The following FRG1 variants were observed in gnomAD, a reference collection of about 807,000 sequenced individuals.
FRG1 encodes the protein protein FRG1.
FRG1 carries 19 observed loss-of-function variants against 37.0 expected under a neutral mutation model. That is an observed-to-expected ratio of 0.51 (90% CI 0.36 to 0.75). The LOEUF is 0.75. Among genes scored for constraint, FRG1 ranks in the 30% least tolerant of loss-of-function variants. FRG1 has a pLI of 0.00. For missense variants in FRG1, 243 were observed against 301.4 expected, an observed-to-expected ratio of 0.81 and a Z score of 1.44; for synonymous variants, 73 against 96.5, an observed-to-expected ratio of 0.76 and a Z score of 1.43.
At chr4:189,953,750 A>C (rs749268459) in intron 4 of FRG1, among the ~76,000 whole-genome samples, 2 of 152,112 alleles carry the variant, frequency 1.3e-5, no homozygotes, top group Non-Finnish European at 2.9e-5. Flanking sequence ...GTAAGGTAAA[A>C]GATTAGAAAT....
rs113582021 is a variant in FRG1, at chr4:189,941,049, C to T, written c.40C>T (p.Leu14Phe). The change falls in exon 1 of 9, where the codon CTC becomes TTC. Residue 14 changes from leucine to phenylalanine, a missense_variant. Around this residue, in one of 2 missense-constraint regions of FRG1, gnomAD observed 110 missense variants for 102.2 expected, o/e 1.08. Coordinates refer to ENST00000226798, the MANE Select transcript of FRG1 (RefSeq NM_004477.3). ...CTACGTGAAGTCTACCAAGCTCGTGCTCAAGGGAACCAAGACGAAGAGGTG... is the reference window on the plus strand; with the variant it reads ...CTACGTGAAGTCTACCAAGCTCGTGTTCAAGGGAACCAAGACGAAGAGGTG... Reference protein sequence around the residue: ...YSYVKSTKLVLKGTKTKSKKK... With the variant: ...YSYVKSTKLVFKGTKTKSKKK... 1.5e-5 allele frequency: 25 copies of T among 1,614,026 alleles called. No homozygotes were observed. The African/African-American group carries it at 3.3e-4, about 22-fold the overall frequency.
At position 189,941,004 on chromosome 4, in the gene FRG1, G is replaced by A. The variant is rs199616375; in HGVS notation, c.-6G>A. 1.9e-6 allele frequency: 3 copies of A among 1,613,330 alleles called. No homozygotes were observed. Among genetic ancestry groups the A allele is most frequent in the Admixed American group, 3.3e-5 (2 of 59,986 alleles). ...CAGCCTCTCCGCGCAGAAGTTTCCC[G>A]GAGCCATGGCCGAGTACTCCTACGT... On this transcript the variant is annotated 5_prime_UTR_variant, in exon 1 of 9. Coordinates refer to ENST00000226798, the MANE Select transcript of FRG1 (RefSeq NM_004477.3).
At chr4:189,955,459 T>C (rs531938641) in intron 5 of FRG1, among the ~76,000 whole-genome samples, 1 of 151,942 alleles carries the variant, frequency 6.6e-6, no homozygotes, top group South Asian at 2.1e-4. Flanking sequence ...CTAAGTATCT[T>C]TGTAGCAGAA....
intron 1 of FRG1, chr4:189,941,749 G>A: frequency 3.2e-6 from 1 of 308,998 alleles, no homozygotes. Context: ...CCAAATGTGA[G>A]GAGGAGGTCG....
intron 5 of FRG1, 59 bp from the exon 6 acceptor site, chr4:189,957,339 C>T (rs202170867): frequency 1.3e-6 from 2 of 1,540,136 alleles, no homozygotes; most frequent in African/African-American, 1.4e-5. Flanking sequence ...AGTCTAAACA[C>T]TTAATGTTTC....
chr4:189,944,955 C>G (rs1439118437), intron 2 of FRG1, among the ~76,000 whole-genome samples: 1 of 151,972 alleles, frequency 6.6e-6, no homozygotes, highest in African/African-American at 2.4e-5. Context: ...TAATATTGGG[C>G]CTCAATATTT....
intron 2 of FRG1, among the ~76,000 whole-genome samples, chr4:189,950,528 GTTAC>G (rs1253219024): frequency 1.3e-5 from 2 of 152,036 alleles, no homozygotes; most frequent in Non-Finnish European, 2.9e-5. Flanking sequence ...TCTGTTTTAA[GTTAC>G]TTTTTGTATT....
At chr4:189,941,123 C>G in intron 1 of FRG1, 52 bp downstream of exon 1, 2 of 1,507,488 alleles carry the variant, frequency 1.3e-6, no homozygotes, top group East Asian at 2.3e-5. Flanking sequence ...CGGACGCACT[C>G]CACCCCCGCA....
chr4:189,952,099 CAAAA>C (rs70947949), intron 2 of FRG1, 59 bp from the exon 3 acceptor site: 7 of 1,230,136 alleles, frequency 5.7e-6, no homozygotes, highest in African/African-American at 1.5e-5. Flanking sequence ...GTTATAATAA[CAAAA>C]AAAAGAACTC....
intron 4 of FRG1, among the ~76,000 whole-genome samples, chr4:189,954,298 A>C (rs1736885849): frequency 6.6e-6 from 1 of 152,192 alleles, no homozygotes; most frequent in Admixed American, 6.5e-5. Context: ...GTTTGATGAC[A>C]TAAGAACTTT....
chr4:189,951,091 C>T (rs945846609), intron 2 of FRG1, among the ~76,000 whole-genome samples: 18 of 152,118 alleles, frequency 1.2e-4, no homozygotes, highest in African/African-American at 4.1e-4. Flanking sequence ...TTTATAACAA[C>T]GGCTTAAATA....
chr4:189,943,226 GAAAAGA>G lies in FRG1; in HGVS notation c.94_99del (p.Lys32_Arg33del). On this transcript the variant is annotated inframe_deletion, in exon 2 of 9. Coordinates refer to ENST00000226798, the MANE Select transcript of FRG1 (RefSeq NM_004477.3). ...GTAAGAAGAAAAAGAGCAAAGATAA[GAAAAGA>G]AAAAGAGAAGAAGATGAAGAAACCC... 1.2e-6 allele frequency: 2 copies of G among 1,604,760 alleles called. No individual in the cohort carries two copies. Among genetic ancestry groups the G allele is most frequent in the Non-Finnish European group, 1.7e-6 (2 of 1,174,162 alleles).
intron 2 of FRG1, among the ~76,000 whole-genome samples, chr4:189,947,253 G>T (rs957659895): frequency 7.9e-5 from 12 of 152,190 alleles, no homozygotes; most frequent in African/African-American, 2.9e-4. Context: ...TGATAGTTAT[G>T]TTAAAATCTC....
intron 2 of FRG1, among the ~76,000 whole-genome samples, chr4:189,950,567 C>T (rs182153178): frequency 2.8e-4 from 43 of 152,214 alleles, no homozygotes; most frequent in Admixed American, 9.8e-4. Flanking sequence ...GGTCCAACTT[C>T]ATTTTAGCTA....
At chr4:189,941,190 C>G (rs1353502790) in intron 1 of FRG1, 119 bp downstream of exon 1, 3 of 908,054 alleles carry the variant, frequency 3.3e-6, no homozygotes, top group African/African-American at 1.7e-5. Flanking sequence ...AGGCTTCGCC[C>G]TGGCCCCTGT....
At chr4:189,952,587 T>G (rs1736803991) in intron 3 of FRG1, among the ~76,000 whole-genome samples, 1 of 152,218 alleles carries the variant, frequency 6.6e-6, no homozygotes, top group Non-Finnish European at 1.5e-5. Flanking sequence ...TCAAAATGTT[T>G]GAATTTCTTT....
At chr4:189,956,439 G>C (rs1736985941) in intron 5 of FRG1, among the ~76,000 whole-genome samples, 1 of 152,068 alleles carries the variant, frequency 6.6e-6, no homozygotes, top group Admixed American at 6.6e-5. Context: ...TTATTTTTAG[G>C]AAGGACACTA....
intron 2 of FRG1, among the ~76,000 whole-genome samples, chr4:189,949,300 T>C (rs1736658572): frequency 6.6e-6 from 1 of 152,186 alleles, no homozygotes; most frequent in Admixed American, 6.5e-5. Flanking sequence ...CTTTAGTCGA[T>C]AAACATATAA....
intron 8 of FRG1, among the ~76,000 whole-genome samples, chr4:189,962,597 A>G (rs1399766873): frequency 6.6e-6 from 1 of 152,184 alleles, no homozygotes; most frequent in African/African-American, 2.4e-5. Flanking sequence ...ATGTTTAATT[A>G]CGTATTTCCT....
Sources: gnomAD v4.1 joint callset for allele counts (sites outside exome capture counted in the v4.1 genomes callset) on GRCh38, gnomAD v4.1.1 for gene constraint, gnomAD v4.1.1 regional missense constraint, MANE v1.5 for transcripts, NCBI Gene and HGNC (gene_info 2026-07-23, HGNC 2026-07-21) for gene names.